Variants in NRXN3 observed in about 807,000 individuals in gnomAD.
NRXN3 encodes neurexin 3, also known as neurexin III.
A neutral mutation model predicts 137.6 loss-of-function variants in NRXN3; 32 were observed. That is an observed-to-expected ratio of 0.23 (90% CI 0.18 to 0.31). The LOEUF (loss-of-function observed/expected upper bound fraction) is 0.31. Among genes scored for constraint, NRXN3 ranks in the 10% least tolerant of loss-of-function variants. NRXN3 has a pLI of 1.00. For synonymous variants in NRXN3, 798 were observed against 784.5 expected, an observed-to-expected ratio of 1.02 and a Z score of -0.29; for missense variants, 1,574 against 2,062.5, an observed-to-expected ratio of 0.76 and a Z score of 4.59.
chr14:79,559,825 C>T (rs928054399), intron 16 of NRXN3, among the ~76,000 whole-genome samples: 5 of 152,054 alleles, frequency 3.3e-5, no homozygotes, highest in Non-Finnish European at 7.4e-5. Context: ...AAATTGTTTG[C>T]CTAAGCCTCT....
At chr14:78,619,293 G>T (rs534713770) in intron 4 of NRXN3, among the ~76,000 whole-genome samples, 2 of 152,230 alleles carry the variant, frequency 1.3e-5, no homozygotes, top group South Asian at 4.2e-4. Flanking sequence ...TATTCTTGCT[G>T]CTATAGACTG....
chr14:78,225,952 G>GGTGTGT lies in NRXN3; in HGVS notation c.-703-16424_-703-16419dup, dbSNP rs5809869. On this transcript the variant is annotated intron_variant, in intron 1 of 20. Coordinates refer to ENST00000335750, the MANE Select transcript of NRXN3 (RefSeq NM_001330195.2). The stretch of plus-strand genomic sequence containing the variant: ...CCTAGCAAGTAGCAGGTGTTTTTTT[G>GGTGTGT]GTGTGTGTGTGTGTGTGTGTTGGTG... 6.1e-3 allele frequency among the ~76,000 whole-genome samples: 758 copies of GGTGTGT among 124,756 alleles called. 12 individuals are homozygous for GGTGTGT. The highest frequency in any genetic ancestry group is 0.018 in the African/African-American group (559 of 30,278). 81.8% of individuals were successfully genotyped at this position (124,756 alleles called of 152,430 possible).
intron 4 of NRXN3, among the ~76,000 whole-genome samples, chr14:78,359,777 T>A (rs866710158): frequency 6.6e-6 from 1 of 152,174 alleles, no homozygotes; most frequent in East Asian, 1.9e-4. Context: ...ACACTTGTAC[T>A]GCTAGACACA....
At chr14:79,250,372 T>A (rs1195439545) in intron 15 of NRXN3, among the ~76,000 whole-genome samples, 2 of 152,162 alleles carry the variant, frequency 1.3e-5, no homozygotes, top group African/African-American at 4.8e-5. Context: ...CAAGGATGGA[T>A]GTTATTAAAT....
intron 15 of NRXN3, among the ~76,000 whole-genome samples, chr14:79,204,877 G>A (rs2066573883): frequency 6.6e-6 from 1 of 152,184 alleles, no homozygotes. Flanking sequence ...ACACAGCTGA[G>A]ACTTGGTGTA....
chr14:79,391,348 C>T (rs924403864), intron 15 of NRXN3, among the ~76,000 whole-genome samples: 2 of 152,086 alleles, frequency 1.3e-5, no homozygotes, highest in Non-Finnish European at 2.9e-5. Context: ...GGGTTCAAGC[C>T]CCAGCTCTGC....
chr14:78,516,988 A>G (rs894607440), intron 4 of NRXN3, among the ~76,000 whole-genome samples: 1 of 152,166 alleles, frequency 6.6e-6, no homozygotes, highest in South Asian at 2.1e-4. Context: ...AGATTATATT[A>G]TGTTGAATCC....
chr14:79,575,382 C>T (rs567525481), intron 16 of NRXN3, among the ~76,000 whole-genome samples: 1 of 151,982 alleles, frequency 6.6e-6, no homozygotes, highest in Non-Finnish European at 1.5e-5. Flanking sequence ...AATATGGTTG[C>T]AGTGGAGCAG....
chr14:79,302,564 G>T (rs1029366927), intron 15 of NRXN3, among the ~76,000 whole-genome samples: 3 of 151,944 alleles, frequency 2.0e-5, no homozygotes, highest in African/African-American at 7.2e-5. Flanking sequence ...GTTCGACTCT[G>T]TGTCCCCACC....
At chr14:79,315,313 G>A (rs2088319811) in intron 15 of NRXN3, among the ~76,000 whole-genome samples, 1 of 152,072 alleles carries the variant, frequency 6.6e-6, no homozygotes, top group African/African-American at 2.4e-5. Flanking sequence ...ACTTTGACAG[G>A]TGTTTGGGAA....
chr14:78,300,775 A>G, intron 4 of NRXN3: 1 of 891,010 alleles, frequency 1.1e-6, no homozygotes, highest in Non-Finnish European at 1.8e-6. Flanking sequence ...GTCGATTCTG[A>G]ATACAGTCCA....
In NRXN3 at chr14:78,962,032, G is replaced by C. The variant is rs114570172; in HGVS notation, c.2396-3993G>C. ...ATAGGGAAGAAGTACAAACTCCTTA[G>C]AACAGCTTCTACATGGAAATTTCAC... On this transcript the variant is annotated intron_variant, in intron 11 of 20. Transcript: ENST00000335750. Among the ~76,000 whole-genome samples, 940 of 152,314 alleles carry C rather than the reference G, an allele frequency of 6.2e-3. 11 individuals carry two copies. The highest frequency in any genetic ancestry group is 0.022 in the African/African-American group (904 of 41,552).
At chr14:78,928,570 G>A (rs1023383471) in intron 10 of NRXN3, among the ~76,000 whole-genome samples, 1 of 151,982 alleles carries the variant, frequency 6.6e-6, no homozygotes, top group African/African-American at 2.4e-5. Flanking sequence ...TTGTCCTTGC[G>A]ATAGTTTGCT....
intron 4 of NRXN3, among the ~76,000 whole-genome samples, chr14:78,402,797 T>C (rs887814205): frequency 6.6e-6 from 1 of 152,154 alleles, no homozygotes; most frequent in Non-Finnish European, 1.5e-5. Flanking sequence ...TCTTATACGA[T>C]TTGGGGGCTA....
intron 16 of NRXN3, among the ~76,000 whole-genome samples, chr14:79,562,625 G>C (rs1205103385): frequency 6.6e-6 from 1 of 152,126 alleles, no homozygotes; most frequent in Non-Finnish European, 1.5e-5. Context: ...AATGATAAAA[G>C]TACTTTGAAG....
At chr14:79,220,504 G>A (rs1487179920) in intron 15 of NRXN3, among the ~76,000 whole-genome samples, 2 of 152,104 alleles carry the variant, frequency 1.3e-5, no homozygotes, top group African/African-American at 2.4e-5. Flanking sequence ...CACTCTTGGT[G>A]TTGTACATTA....
chr14:79,433,032 C>G lies in NRXN3; in HGVS notation c.3263-34189C>G, dbSNP rs2095789459. On this transcript the variant is annotated intron_variant, in intron 15 of 20. Coordinates refer to ENST00000335750, the MANE Select transcript of NRXN3 (RefSeq NM_001330195.2). ...ATTTCTTGTTACCTTTTGGTTTTCC[C>G]CGGCACCTAACAATGTAATCTTCAC... Among the ~76,000 whole-genome samples, 3 of 152,060 alleles carry G rather than the reference C, an allele frequency of 2.0e-5. No individual in the cohort carries two copies. The South Asian group carries it at 6.2e-4, about 31-fold the overall frequency.
At chr14:79,336,033 A>C (rs570119203) in intron 15 of NRXN3, among the ~76,000 whole-genome samples, 1 of 152,298 alleles carries the variant, frequency 6.6e-6, no homozygotes, top group East Asian at 1.9e-4. Context: ...TGCAAGCAAC[A>C]GATACTATAG....
rs368681458 is a variant in NRXN3 at position 79,696,607 on chromosome 14, A to G, written c.3707-1023A>G. On this transcript the variant is annotated intron_variant, in intron 18 of 20. Transcript: ENST00000335750. ...AGTTTGCTTGGGAAAAAAATCTCAT[A>G]CTTGAGAGTTTTATAAGTAGAAAGA... Among the ~76,000 whole-genome samples, 15 of 152,012 alleles carry G rather than the reference A, an allele frequency of 9.9e-5. No homozygotes were observed. The South Asian group carries it at 3.1e-3, about 32-fold the overall frequency.
Sources: allele counts gnomAD v4.1 joint callset (sites outside exome capture counted in the v4.1 genomes callset), GRCh38; gene constraint gnomAD v4.1.1; transcripts MANE v1.5; gene names NCBI Gene and HGNC (gene_info 2026-07-23, HGNC 2026-07-21).